ITGAX: variants seen among roughly 807,000 people sequenced by gnomAD.
The protein encoded by ITGAX is integrin subunit alpha X, also known as integrin alpha-X.
Under a neutral mutation model 140.2 loss-of-function variants are expected in ITGAX, and 99 were observed. That is an observed-to-expected ratio of 0.71 (90% CI 0.60 to 0.83). ITGAX has a LOEUF of 0.83. ITGAX is among the 40% of genes least tolerant of loss of function. The pLI, the probability that ITGAX is intolerant of heterozygous loss-of-function variation, is 0.00. For missense variants in ITGAX, 1,444 were observed against 1,482.0 expected, an observed-to-expected ratio of 0.97 and a Z score of 0.42; for synonymous variants, 631 against 600.4, an observed-to-expected ratio of 1.05 and a Z score of -0.75.
chr16:31,379,692 G>A, intron 24 of ITGAX, 46 bp downstream of exon 24: 1 of 1,579,918 alleles, frequency 6.3e-7, no homozygotes. Context: ...GGGAGGCTGG[G>A]AGCCGGAGAC....
intron 14 of ITGAX, among the ~76,000 whole-genome samples, chr16:31,363,604 T>C (rs2080861920): frequency 6.6e-6 from 1 of 150,760 alleles, no homozygotes. Context: ...CACCACCATG[T>C]CCGGTTATTT....
Position 31,362,863 on chromosome 16 carries a change from G to T in ITGAX, c.1360-72G>T, listed in dbSNP as rs1322799442. On this transcript the variant is annotated intron_variant, in intron 12 of 29. Coordinates refer to ENST00000268296, the MANE Select transcript of ITGAX (RefSeq NM_000887.5). ...CTTGGGGGAGGTCCTGGTACCTGGGGAGAGGTGGGACCTGGCCCACAGGGC... is the reference window on the plus strand; with the variant it reads ...CTTGGGGGAGGTCCTGGTACCTGGGTAGAGGTGGGACCTGGCCCACAGGGC... The T allele has an allele frequency of 6.8e-6, 11 of 1,606,960 alleles. 1 individual carries two copies. The highest frequency in any genetic ancestry group is 2.2e-5 in the East Asian group (1 of 44,866).
intron 23 of ITGAX, among the ~76,000 whole-genome samples, chr16:31,378,447 G>C (rs1173514613): frequency 6.6e-6 from 1 of 152,280 alleles, no homozygotes; most frequent in African/African-American, 2.4e-5. Context: ...CTCCTCTGCA[G>C]GCAGCTATGA....
intron 20 of ITGAX, 23 bp from the exon 21 acceptor site, chr16:31,376,776 C>T: frequency 1.2e-6 from 2 of 1,608,488 alleles, no homozygotes; most frequent in Non-Finnish European, 1.7e-6. Context: ...AACTAATACT[C>T]CTCTACTTTT....
Position 31,366,615 on chromosome 16 carries a change from A to G in ITGAX, c.1710+3241A>G, listed in dbSNP as rs368005297. On this transcript the variant is annotated intron_variant, in intron 14 of 29. Coordinates refer to ENST00000268296, the MANE Select transcript of ITGAX (RefSeq NM_000887.5). Reference sequence around the variant, plus strand: ...ACTGAAACTTCCCCCTCTGGGGTTCAAGTGATTCTCCTGCCTCAGCCTTCT... The same window carrying G: ...ACTGAAACTTCCCCCTCTGGGGTTCGAGTGATTCTCCTGCCTCAGCCTTCT... 2.2e-3 allele frequency among the ~76,000 whole-genome samples: 342 copies of G among 152,326 alleles called. 2 individuals carry two copies. The highest frequency in any genetic ancestry group is 7.9e-3 in the African/African-American group (330 of 41,568).
chr16:31,374,287 T>TA (rs111307476), intron 20 of ITGAX, among the ~76,000 whole-genome samples: 99,159 of 148,618 alleles, frequency 0.67, 33,955 homozygotes, highest in East Asian at 0.99. Context: ...AGACTCTGTC[T>TA]AAAAAAAAAA....
chr16:31,358,328 C>A (rs982478351), intron 5 of ITGAX: 1 of 152,192 alleles, frequency 6.6e-6, no homozygotes, highest in Non-Finnish European at 1.5e-5. Context: ...TGGCTGTTGC[C>A]TGGGATGATT....
intron 26 of ITGAX, 35 bp from the exon 27 acceptor site, chr16:31,380,231 T>A: frequency 6.2e-7 from 1 of 1,603,126 alleles, no homozygotes. Flanking sequence ...TTCACACTCA[T>A]CTTTCTCAGC....
Position 31,356,613 on chromosome 16 carries a change from G to T in ITGAX, c.144-12G>T. On this transcript the variant is annotated splice_polypyrimidine_tract_variant and intron_variant, in intron 2 of 29. Transcript: ENST00000268296. ...CACACTCTTACCTAAAGTGTTCTTT[G>T]TCTCCTCGCAGGGTGGTGGTTGGAG... 2 of 1,580,130 alleles carry T rather than the reference G, an allele frequency of 1.3e-6. No homozygotes were observed. The highest frequency in any genetic ancestry group is 2.3e-5 in the South Asian group (2 of 86,530).
At chr16:31,356,785 G>A (rs1162121854) in intron 3 of ITGAX, 57 bp downstream of exon 3, 2 of 1,285,748 alleles carry the variant, frequency 1.6e-6, no homozygotes, top group African/African-American at 2.9e-5. Context: ...CCCTGCTCCA[G>A]GGGCCCGTGG....
chr16:31,367,778 C>T (rs182074111), intron 14 of ITGAX, among the ~76,000 whole-genome samples: 17 of 152,306 alleles, frequency 1.1e-4, no homozygotes, highest in African/African-American at 2.9e-4. Flanking sequence ...GGAGTAATTT[C>T]GACTTTCAAG....
Position 31,372,444 on chromosome 16 carries a change from C to G in ITGAX, c.2227C>G (p.Leu743Val). Reference sequence around the variant, plus strand: ...GAACTTCACGCTGGTGGGCAAGCCCCTCCTTGCCTTCAGAAACCTGCGGCC... The same window carrying G: ...GAACTTCACGCTGGTGGGCAAGCCCGTCCTTGCCTTCAGAAACCTGCGGCC... ...RLNFTLVGKPLLAFRNLRPML... is the reference protein window; with the variant it reads ...RLNFTLVGKPVLAFRNLRPML... The change falls in exon 18 of 30, where the codon CTC (leucine) becomes GTC (valine). Residue 743 changes from leucine to valine, a missense_variant. Physicochemically the swap from Leu to Val is conservative, Grantham distance 32 (BLOSUM62 1). Transcript: ENST00000268296. 1.2e-6 allele frequency: 2 copies of G among 1,609,398 alleles called. No homozygotes were observed.
At chr16:31,375,558 A>G (rs1332415073) in intron 20 of ITGAX, among the ~76,000 whole-genome samples, 1 of 152,256 alleles carries the variant, frequency 6.6e-6, no homozygotes, top group Non-Finnish European at 1.5e-5. Flanking sequence ...GACCTCTTAT[A>G]TGACCTCAAC....
intron 5 of ITGAX, 91 bp downstream of exon 5, chr16:31,357,455 A>C: frequency 1.3e-6 from 1 of 784,672 alleles, no homozygotes; most frequent in Non-Finnish European, 2.1e-6. Context: ...AGAGTGGATC[A>C]GAAAGAAGGG....
chr16:31,373,234 T>C lies in ITGAX; in HGVS notation c.2367-15T>C, dbSNP rs2080989124. 1.3e-6 allele frequency: 2 copies of C among 1,530,178 alleles called. No individual in the cohort carries two copies. Among genetic ancestry groups the C allele is most frequent in the African/African-American group, 1.4e-5 (1 of 72,736 alleles). 94.8% of individuals were successfully genotyped at this position (1,530,178 alleles called of 1,614,324 possible). On this transcript the variant is annotated splice_polypyrimidine_tract_variant and intron_variant, in intron 19 of 29. Transcript: ENST00000268296. ...TCACAGAATCATCTTCTCCTTTCCTTCACCTGATACCCAGCTTGAAGTCCC... is the reference window on the plus strand; with the variant it reads ...TCACAGAATCATCTTCTCCTTTCCTCCACCTGATACCCAGCTTGAAGTCCC...
rs1329277373 is a variant in ITGAX at position 31,379,553 on chromosome 16, G to A, written c.2790-15G>A. 57 of 1,555,970 alleles carry A rather than the reference G, an allele frequency of 3.7e-5. No individual in the cohort carries two copies. Among genetic ancestry groups the A allele is most frequent in the Admixed American group, 1.4e-4 (7 of 51,318 alleles). ...CATGGTAGTTCACATCCACTTATGC[G>A]TCTTCTCTCTCCAGCCACGAACAAT... On this transcript the variant is annotated splice_polypyrimidine_tract_variant and intron_variant, in intron 23 of 29. Transcript: ENST00000268296.
Position 31,361,057 on chromosome 16 carries a change from G to GGACA in ITGAX, c.862-4_862-1dup, listed in dbSNP as rs1456866910. 6.2e-7 allele frequency: 1 copy of GGACA among 1,611,712 alleles called. No homozygotes were observed. The highest frequency in any genetic ancestry group is 2.2e-5 in the East Asian group (1 of 44,852). On this transcript the variant is annotated splice_polypyrimidine_tract_variant and splice_region_variant and intron_variant, in intron 8 of 29. Transcript: ENST00000268296. ...TTTTTACTGAGTTGATCTTTTCTGG[G>GGACA]GACAGGTTGGATTAGCTTTTCAAAA...
chr16:31,381,066 G>GGTCCCGCTCTTTTTGCAGGT, intron 29 of ITGAX, 59 bp downstream of exon 29: 1 of 1,366,356 alleles, frequency 7.3e-7, no homozygotes, highest in Non-Finnish European at 1.0e-6. Context: ...TTTTTGCAGA[G>GGTCCCGCTCTTTTTGCAGGT]TGAGAAGGAG....
chr16:31,362,586 T>C (rs765036595), intron 11 of ITGAX, 25 bp from the exon 12 acceptor site: 11 of 1,601,792 alleles, frequency 6.9e-6, no homozygotes, highest in Non-Finnish European at 9.4e-6. Flanking sequence ...ATGGGGGCCT[T>C]TGTGCTGAGG....
Sources: allele counts gnomAD v4.1 joint callset (sites outside exome capture counted in the v4.1 genomes callset), GRCh38; gene constraint gnomAD v4.1.1; transcripts MANE v1.5; gene names NCBI Gene and HGNC (gene_info 2026-07-23, HGNC 2026-07-21).